Variants in CYP4X1 observed in about 807,000 individuals in gnomAD.
The protein encoded by CYP4X1 is cytochrome P450 family 4 subfamily X member 1, also known as cytochrome P450 4X1.
A neutral mutation model predicts 57.9 loss-of-function variants in CYP4X1; 44 were observed. The observed-to-expected ratio is 0.76, with a 90% CI of 0.60 to 0.98. The LOEUF is 0.98. Among genes scored for constraint, CYP4X1 ranks in the 50% least tolerant of loss-of-function variants. The pLI is 0.00. For synonymous variants in CYP4X1, 227 were observed against 228.6 expected (o/e 0.99, Z 0.06); for missense variants, 532 against 623.9 (o/e 0.85, Z 1.57).
At chr1:47,049,945 A>T in intron 11 of CYP4X1, 55 bp from the exon 12 acceptor site, 1 of 1,541,752 alleles carries the variant, frequency 6.5e-7, no homozygotes, top group Non-Finnish European at 8.9e-7. Context: ...ATTTTACTAT[A>T]GTCAGAAGAA....
the CYP4X1 span, among the ~76,000 whole-genome samples, chr1:47,004,071 G>A: frequency 6.6e-6 from 1 of 152,196 alleles, no homozygotes; most frequent in Non-Finnish European, 1.5e-5. Context: ...TACATAGGGT[G>A]TACACCTAGT....
intron 9 of CYP4X1, among the ~76,000 whole-genome samples, chr1:47,047,796 A>G (rs1195249531): frequency 1.3e-5 from 2 of 151,974 alleles, no homozygotes; most frequent in Non-Finnish European, 2.9e-5. Context: ...ATGGGGTTTC[A>G]CCATGTTGGC....
the CYP4X1 span, among the ~76,000 whole-genome samples, chr1:47,014,157 T>C: frequency 6.6e-6 from 1 of 152,192 alleles, no homozygotes; most frequent in Non-Finnish European, 1.5e-5. Flanking sequence ...ATTGACATTG[T>C]AAAATTAAAT....
In CYP4X1 at chr1:47,050,159, A is replaced by G. The variant is rs551778628; in HGVS notation, c.1515A>G (p.Lys505=). 2 of 1,613,764 alleles carry G rather than the reference A, an allele frequency of 1.2e-6. No homozygotes were observed. The highest frequency in any genetic ancestry group is 2.2e-5 in the East Asian group (1 of 44,842). ...PKNGMYLHLK[K]LSEC Reference sequence around the variant, plus strand: ...ATGGGATGTATTTGCACCTGAAGAAACTCTCTGAATGTTAGATCTCAGGGT... The same window carrying G: ...ATGGGATGTATTTGCACCTGAAGAAGCTCTCTGAATGTTAGATCTCAGGGT... The change falls in exon 12 of 12, where the codon AAA becomes AAG. Residue 505 remains lysine, a synonymous_variant. Transcript: ENST00000371901.
the CYP4X1 span, among the ~76,000 whole-genome samples, chr1:47,014,171 AG>A: frequency 6.6e-6 from 1 of 152,228 alleles, no homozygotes; most frequent in Non-Finnish European, 1.5e-5. Context: ...ATTAAATAAT[AG>A]TAGTATTCAA....
upstream of CYP4X1, among the ~76,000 whole-genome samples, chr1:47,022,388 T>A (rs952803661): frequency 6.7e-6 from 1 of 148,926 alleles, no homozygotes; most frequent in African/African-American, 2.5e-5. Context: ...CCTCTCGGGT[T>A]CAAGCGATTC....
At chr1:47,003,839 T>C in the CYP4X1 span, among the ~76,000 whole-genome samples, 35 of 152,232 alleles carry the variant, frequency 2.3e-4, no homozygotes, top group Non-Finnish European at 4.3e-4. Flanking sequence ...ATCCAAACTA[T>C]ATCATTCTAC....
At chr1:47,024,649 G>T (rs1350826090) in intron 1 of CYP4X1, among the ~76,000 whole-genome samples, 1 of 152,196 alleles carries the variant, frequency 6.6e-6, no homozygotes. Context: ...TCCCTCCCCT[G>T]CACCACCCAA....
At chr1:46,988,177 G>A in the CYP4X1 span, among the ~76,000 whole-genome samples, 1 of 151,924 alleles carries the variant, frequency 6.6e-6, no homozygotes, top group South Asian at 2.1e-4. Flanking sequence ...GAATCAAATA[G>A]ATGCAATAAA....
At position 47,046,551 on chromosome 1, in the gene CYP4X1, A is replaced by G; in HGVS notation, c.1158A>G (p.Arg386=). 6.2e-7 allele frequency: 1 copy of G among 1,614,140 alleles called. No homozygotes were observed. The highest frequency in any genetic ancestry group is 8.5e-7 in the Non-Finnish European group (1 of 1,180,034). ...TTCCTGCAGTCCCGTCCATTTCCAG[A>G]GATCTCAGCAAGCCACTTACCTTCC... The part of the protein sequence containing the change: ...RLIPAVPSIS[R]DLSKPLTFPD... The change falls in exon 9 of 12, where the codon AGA becomes AGG. Residue 386 remains arginine, a synonymous_variant. Coordinates refer to ENST00000371901, the MANE Select transcript of CYP4X1 (RefSeq NM_178033.2).
chr1:46,968,793 G>C, the CYP4X1 span, among the ~76,000 whole-genome samples: 1 of 152,202 alleles, frequency 6.6e-6, no homozygotes, highest in Non-Finnish European at 1.5e-5. Context: ...ACTGTACTTA[G>C]AGGCAAGAGC....
chr1:47,016,249 C>T, the CYP4X1 span, among the ~76,000 whole-genome samples: 1 of 151,640 alleles, frequency 6.6e-6, no homozygotes, highest in Non-Finnish European at 1.5e-5. Flanking sequence ...AAAGTTTAAA[C>T]CATCATGGTG....
chr1:47,015,793 C>T, the CYP4X1 span, among the ~76,000 whole-genome samples: 4 of 152,216 alleles, frequency 2.6e-5, no homozygotes, highest in African/African-American at 9.6e-5. Flanking sequence ...TTCTGTACCT[C>T]GCCCCTTCTG....
At chr1:47,053,531 C>A (rs536007762), downstream of CYP4X1, among the ~76,000 whole-genome samples, 1 of 152,212 alleles carries the variant, frequency 6.6e-6, no homozygotes, top group Non-Finnish European at 1.5e-5. Flanking sequence ...TACCCTCCCA[C>A]CAACAGTGTA....
At chr1:46,981,521 T>C in the CYP4X1 span, among the ~76,000 whole-genome samples, 1 of 152,218 alleles carries the variant, frequency 6.6e-6, no homozygotes, top group Non-Finnish European at 1.5e-5. Context: ...GGAACACTTT[T>C]ACACTGTTGG....
the CYP4X1 span, among the ~76,000 whole-genome samples, chr1:47,007,472 G>A: frequency 1.1e-3 from 170 of 152,236 alleles, no homozygotes; most frequent in Non-Finnish European, 1.4e-3. Context: ...CCACAAAGAT[G>A]GGGAAAAAAC....
chr1:46,963,101 G>A, the CYP4X1 span, among the ~76,000 whole-genome samples: 1 of 151,960 alleles, frequency 6.6e-6, no homozygotes, highest in Non-Finnish European at 1.5e-5. Context: ...TTTTCCATTT[G>A]TTTGGTAGAT....
At chr1:46,991,821 G>A in the CYP4X1 span, among the ~76,000 whole-genome samples, 4 of 152,214 alleles carry the variant, frequency 2.6e-5, no homozygotes, top group Non-Finnish European at 4.4e-5. Flanking sequence ...ATTGTGATGC[G>A]TGGGAAGGAG....
chr1:46,989,705 A>G, the CYP4X1 span, among the ~76,000 whole-genome samples: 2 of 152,234 alleles, frequency 1.3e-5, no homozygotes, highest in Non-Finnish European at 1.5e-5. Context: ...AAACAGATAT[A>G]TAGACCAATG....
Sources: allele counts gnomAD v4.1 joint callset (sites outside exome capture counted in the v4.1 genomes callset), GRCh38; gene constraint gnomAD v4.1.1; transcripts MANE v1.5; gene names NCBI Gene and HGNC (gene_info 2026-07-23, HGNC 2026-07-21).